The following DLGAP2 variants were observed in gnomAD, a reference collection of about 807,000 sequenced individuals.
DLGAP2 encodes DLG associated protein 2, also known as disks large-associated protein 2.
A neutral mutation model predicts 100.3 loss-of-function variants in DLGAP2; 26 were observed. That is an observed-to-expected ratio of 0.26 (90% CI 0.19 to 0.36). The LOEUF is 0.36. Among genes scored for constraint, DLGAP2 ranks in the 10% least tolerant of loss-of-function variants. DLGAP2 has a pLI of 1.00. For synonymous variants in DLGAP2, 886 were observed against 630.1 expected, an observed-to-expected ratio of 1.41 and a Z score of -6.08; for missense variants, 1,858 against 1,453.2, an observed-to-expected ratio of 1.28 and a Z score of -4.53.
chr8:1,170,668 C>T lies in DLGAP2; in HGVS notation c.74-88183C>T, dbSNP rs1262002973. ...TCTTCTAGATTTTCTAGTTTATTTG[C>T]GTAGAGGTGTTTGTAATATTCTCTG... On this transcript the variant is annotated intron_variant, in intron 2 of 14. Coordinates refer to ENST00000637795, the MANE Select transcript of DLGAP2 (RefSeq NM_001346810.2). 5.5e-5 allele frequency among the ~76,000 whole-genome samples: 8 copies of T among 144,408 alleles called. No homozygotes were observed. In the East Asian group the frequency reaches 1.0e-3, roughly 18 times the overall value. 94.7% of individuals were successfully genotyped at this position (144,408 alleles called of 152,430 possible).
chr8:859,818 C>T (rs1357100322), intron 1 of DLGAP2, among the ~76,000 whole-genome samples: 5 of 152,164 alleles, frequency 3.3e-5, no homozygotes, highest in African/African-American at 4.8e-5. Context: ...GAGTGAGGTG[C>T]GGTGTAGGGG....
chr8:831,295 C>T (rs1335665994), intron 1 of DLGAP2, among the ~76,000 whole-genome samples: 1 of 150,226 alleles, frequency 6.7e-6, no homozygotes, highest in African/African-American at 2.5e-5. Flanking sequence ...ATACATGTGC[C>T]ATGTTGGTTT....
At chr8:1,676,444 A>C in intron 10 of DLGAP2, 89 bp from the exon 11 acceptor site, 1 of 1,386,608 alleles carries the variant, frequency 7.2e-7, no homozygotes, top group South Asian at 1.2e-5. Flanking sequence ...TGCGTAATTA[A>C]TTACAGCAAA....
intron 1 of DLGAP2, among the ~76,000 whole-genome samples, chr8:841,443 A>C (rs1796982454): frequency 6.6e-6 from 1 of 152,164 alleles, no homozygotes; most frequent in East Asian, 1.9e-4. Flanking sequence ...ACTTGGAATT[A>C]TCTGTTATCT....
intron 1 of DLGAP2, among the ~76,000 whole-genome samples, chr8:877,921 G>A (rs976372650): frequency 1.3e-5 from 2 of 152,210 alleles, no homozygotes; most frequent in Non-Finnish European, 2.9e-5. Flanking sequence ...TTGACTTTCT[G>A]AGCTGGGAGG....
intron 2 of DLGAP2, among the ~76,000 whole-genome samples, chr8:1,169,744 C>G (rs7833507): frequency 0.18 from 26,385 of 149,108 alleles, 2,663 homozygotes; most frequent in Middle Eastern, 0.33. Context: ...TATCCTGAGA[C>G]TTTGCTGAAG....
intron 2 of DLGAP2, among the ~76,000 whole-genome samples, chr8:1,160,141 G>A (rs920021202): frequency 6.6e-6 from 1 of 152,194 alleles, no homozygotes; most frequent in African/African-American, 2.4e-5. Context: ...GCTCTGAATC[G>A]CTGTGCACTA....
intron 13 of DLGAP2, among the ~76,000 whole-genome samples, chr8:1,695,148 G>A (rs907565407): frequency 1.3e-5 from 2 of 152,242 alleles, no homozygotes; most frequent in African/African-American, 4.8e-5. Flanking sequence ...CCACCCAGCT[G>A]CGGGCGAGGG....
intron 3 of DLGAP2, among the ~76,000 whole-genome samples, chr8:1,260,554 A>G (rs1339603011): frequency 6.6e-6 from 1 of 151,960 alleles, no homozygotes; most frequent in Non-Finnish European, 1.5e-5. Flanking sequence ...GTTTGGACTG[A>G]ATGAAGGCTG....
intron 1 of DLGAP2, among the ~76,000 whole-genome samples, chr8:746,166 G>A (rs1341749707): frequency 6.6e-6 from 1 of 152,234 alleles, no homozygotes; most frequent in African/African-American, 2.4e-5. Context: ...AGAGAGACCA[G>A]GCCAAAGTGG....
chr8:867,373 C>T (rs1472732482), intron 1 of DLGAP2, among the ~76,000 whole-genome samples: 2 of 152,162 alleles, frequency 1.3e-5, no homozygotes, highest in Non-Finnish European at 2.9e-5. Flanking sequence ...TGTGATTATC[C>T]TAATTTGCTG....
intron 2 of DLGAP2, among the ~76,000 whole-genome samples, chr8:1,243,523 G>A (rs73670690): frequency 0.029 from 4,396 of 152,240 alleles, 209 homozygotes; most frequent in African/African-American, 0.1. Flanking sequence ...GTCATTTCAT[G>A]TTATTCTCGT....
intron 2 of DLGAP2, among the ~76,000 whole-genome samples, chr8:1,216,288 TCATACAGGGGCTCTGATATC>T (rs1334113094): frequency 6.6e-6 from 1 of 152,118 alleles, no homozygotes; most frequent in Non-Finnish European, 1.5e-5. Context: ...TCAGTCAACT[TCATACAGGGGCTCTGATATC>T]CAGGAAGGCA....
At chr8:977,446 C>A (rs945124813) in intron 2 of DLGAP2, among the ~76,000 whole-genome samples, 3 of 152,126 alleles carry the variant, frequency 2.0e-5, no homozygotes, top group African/African-American at 4.8e-5. Flanking sequence ...GTTTCTGACC[C>A]CTGTGATGTG....
chr8:1,352,161 G>A (rs1801746646), intron 3 of DLGAP2, among the ~76,000 whole-genome samples: 1 of 113,696 alleles, frequency 8.8e-6, no homozygotes, highest in African/African-American at 3.2e-5. Context: ...GAAAGGCCGT[G>A]CGGGTCCTGA....
At chr8:1,371,458 C>G (rs1210160018) in intron 3 of DLGAP2, among the ~76,000 whole-genome samples, 1 of 152,214 alleles carries the variant, frequency 6.6e-6, no homozygotes, top group East Asian at 1.9e-4. Context: ...ATGACTCAGG[C>G]TGGTGCTCTG....
intron 2 of DLGAP2, among the ~76,000 whole-genome samples, chr8:1,121,224 C>A (rs1015184778): frequency 1.3e-5 from 2 of 148,434 alleles, no homozygotes; most frequent in African/African-American, 5.0e-5. Flanking sequence ...CCATCCTTGT[C>A]CAGTTAGAAC....
chr8:1,224,870 A>G (rs1218111867), intron 2 of DLGAP2, among the ~76,000 whole-genome samples: 1 of 152,256 alleles, frequency 6.6e-6, no homozygotes, highest in African/African-American at 2.4e-5. Flanking sequence ...ATGCGAGTCA[A>G]AACCGCAGTG....
intron 2 of DLGAP2, among the ~76,000 whole-genome samples, chr8:1,106,751 T>A (rs1293504439): frequency 6.6e-6 from 1 of 151,720 alleles, no homozygotes; most frequent in African/African-American, 2.4e-5. Context: ...GGTTTTCTAT[T>A]GAAGGGAGCC....
Sources: gnomAD v4.1 joint callset for allele counts (sites outside exome capture counted in the v4.1 genomes callset) on GRCh38, gnomAD v4.1.1 for gene constraint, MANE v1.5 for transcripts, NCBI Gene and HGNC (gene_info 2026-07-23, HGNC 2026-07-21) for gene names.